The following PEBP4 variants were observed in gnomAD, a reference collection of about 807,000 sequenced individuals.
PEBP4 encodes the protein phosphatidylethanolamine-binding protein 4.
In PEBP4, 22 loss-of-function variants were observed where a neutral mutation model predicts 23.9. That is an observed-to-expected ratio of 0.92 (90% confidence interval 0.66 to 1.31). The LOEUF is 1.31. Ranked by LOEUF, PEBP4 falls within the 40% of genes most tolerant of loss-of-function variation. The pLI is 0.00. For synonymous variants in PEBP4, 112 were observed against 99.3 expected (o/e 1.13, Z -0.76); for missense variants, 324 against 281.7 (o/e 1.15, Z -1.07).
At chr8:22,807,476 C>T (rs1806522198) in intron 4 of PEBP4, among the ~76,000 whole-genome samples, 1 of 152,098 alleles carries the variant, frequency 6.6e-6, no homozygotes, top group South Asian at 2.1e-4. Context: ...AGGAAAGATT[C>T]ACATTTTTGT....
chr8:22,849,770 A>T (rs1807513795), intron 3 of PEBP4, among the ~76,000 whole-genome samples: 1 of 152,228 alleles, frequency 6.6e-6, no homozygotes, highest in Non-Finnish European at 1.5e-5. Context: ...TAAAGGTTAA[A>T]GATGTCAAAA....
At chr8:22,934,064 G>T (rs1360516468) in intron 1 of PEBP4, among the ~76,000 whole-genome samples, 1 of 152,110 alleles carries the variant, frequency 6.6e-6, no homozygotes, top group Non-Finnish European at 1.5e-5. Flanking sequence ...AGTTCTCATG[G>T]AACTAATAAA....
chr8:22,792,395 C>T (rs1391159322), intron 4 of PEBP4, among the ~76,000 whole-genome samples: 1 of 152,078 alleles, frequency 6.6e-6, no homozygotes, highest in Non-Finnish European at 1.5e-5. Context: ...GATGAAAGAG[C>T]TGGAGACAAG....
At position 22,741,056 on chromosome 8, in the gene PEBP4, G is replaced by A. The variant is rs528536321; in HGVS notation, c.358-13836C>T. ...AAGAGACAGATGGGATGGAAGAGGCGAGAGAAGAGTGGTTCTTCCGTGTTG... is the reference window on the plus strand; with the variant it reads ...AAGAGACAGATGGGATGGAAGAGGCAAGAGAAGAGTGGTTCTTCCGTGTTG... On this transcript the variant is annotated intron_variant, in intron 4 of 6. Coordinates refer to ENST00000256404, the MANE Select transcript of PEBP4 (RefSeq NM_144962.3). 7.9e-5 allele frequency among the ~76,000 whole-genome samples: 12 copies of A among 152,310 alleles called. No individual in the cohort carries two copies. In the South Asian group the frequency reaches 1.5e-3, roughly 18 times the overall value.
chr8:22,749,505 G>T (rs965019763), intron 4 of PEBP4, among the ~76,000 whole-genome samples: 2 of 152,226 alleles, frequency 1.3e-5, no homozygotes, highest in Non-Finnish European at 2.9e-5. Flanking sequence ...TCACCAGCAA[G>T]GGCACGGCCA....
rs1021058019 is a variant in PEBP4, at chr8:22,865,342, C to T, written c.259-47607G>A. ...CCCCGGGTCCCCCTGCGGCGTCTCCCGCTGCCCACCCACGGGCGGTGACGG... is the reference window on the plus strand; with the variant it reads ...CCCCGGGTCCCCCTGCGGCGTCTCCTGCTGCCCACCCACGGGCGGTGACGG... On this transcript the variant is annotated intron_variant, in intron 3 of 6. Coordinates refer to ENST00000256404, the MANE Select transcript of PEBP4 (RefSeq NM_144962.3). This position sits in a 1 kb window ranked among gnomAD's most constrained non-coding sequence, Gnocchi z 6.9. Among the ~76,000 whole-genome samples the T allele has an allele frequency of 1.5e-4, 22 of 146,282 alleles. No homozygotes were observed. The highest frequency in any genetic ancestry group is 5.5e-4 in the African/African-American group (22 of 39,666).
At chr8:22,923,477 G>A (rs538052766) in intron 2 of PEBP4, among the ~76,000 whole-genome samples, 2 of 152,246 alleles carry the variant, frequency 1.3e-5, no homozygotes, top group South Asian at 4.1e-4. Flanking sequence ...TGAGGTGGGA[G>A]GATCGCTTGA....
At chr8:22,918,520 G>C (rs562081926) in intron 3 of PEBP4, among the ~76,000 whole-genome samples, 2 of 152,150 alleles carry the variant, frequency 1.3e-5, no homozygotes, top group African/African-American at 4.8e-5. Context: ...TTCCCAACAG[G>C]CTTCAAATCC....
chr8:22,907,685 T>A (rs575967649), intron 3 of PEBP4, among the ~76,000 whole-genome samples: 8 of 152,002 alleles, frequency 5.3e-5, no homozygotes, highest in African/African-American at 1.9e-4. Context: ...TCTGGTGAAA[T>A]GGGGAGGAAT....
rs1805794697 is a variant in PEBP4, at chr8:22,775,380, G to C, written c.357+42257C>G. On this transcript the variant is annotated intron_variant, in intron 4 of 6. Transcript: ENST00000256404. This position sits in a 1 kb window ranked among gnomAD's most constrained non-coding sequence, Gnocchi z 4.8. ...TGGTCTCTGCTGGGTGGGCCCAGCT[G>C]TCGAGGCCCAGGCAAGGAGCGGCCT... Among the ~76,000 whole-genome samples, 2 of 152,214 alleles carry C rather than the reference G, an allele frequency of 1.3e-5. No homozygotes were observed. The highest frequency in any genetic ancestry group is 2.9e-5 in the Non-Finnish European group (2 of 68,044).
At chr8:22,756,452 C>G (rs1341770877) in intron 4 of PEBP4, among the ~76,000 whole-genome samples, 1 of 152,224 alleles carries the variant, frequency 6.6e-6, no homozygotes, top group Non-Finnish European at 1.5e-5. Flanking sequence ...CCAGTTGTGG[C>G]TGATTCTCAC....
intron 6 of PEBP4, among the ~76,000 whole-genome samples, chr8:22,715,734 C>A (rs1292872173): frequency 6.6e-6 from 1 of 152,190 alleles, no homozygotes; most frequent in Non-Finnish European, 1.5e-5. Flanking sequence ...CTCCTGAAAC[C>A]CAGTCCCCGT....
At chr8:22,782,702 T>C (rs1805950697) in intron 4 of PEBP4, among the ~76,000 whole-genome samples, 1 of 152,196 alleles carries the variant, frequency 6.6e-6, no homozygotes, top group African/African-American at 2.4e-5. Flanking sequence ...TATATTTCCC[T>C]AGGGAGAGCC....
At chr8:22,878,931 G>A (rs1412460306) in intron 3 of PEBP4, among the ~76,000 whole-genome samples, 1 of 152,200 alleles carries the variant, frequency 6.6e-6, no homozygotes, top group East Asian at 1.9e-4. Flanking sequence ...ACCGGGTAGG[G>A]GGATGAGCTA....
At chr8:22,931,229 AAATT>A (rs1809451763), upstream of PEBP4, among the ~76,000 whole-genome samples, 1 of 152,182 alleles carries the variant, frequency 6.6e-6, no homozygotes, top group Admixed American at 6.5e-5. Flanking sequence ...TCCTAATTAA[AAATT>A]AATTGAGATA....
intron 4 of PEBP4, among the ~76,000 whole-genome samples, chr8:22,767,171 C>T (rs757801820): frequency 6.6e-5 from 10 of 152,196 alleles, no homozygotes; most frequent in South Asian, 4.1e-4. Flanking sequence ...TTGACTAGAG[C>T]GAAGCTCCGG....
At chr8:22,792,199 T>C (rs1806154084) in intron 4 of PEBP4, among the ~76,000 whole-genome samples, 1 of 152,112 alleles carries the variant, frequency 6.6e-6, no homozygotes, top group South Asian at 2.1e-4. Context: ...TGTGAGGGAA[T>C]CTGTGTGGAC....
chr8:22,826,994 A>C (rs762223911), intron 3 of PEBP4, among the ~76,000 whole-genome samples: 1 of 152,178 alleles, frequency 6.6e-6, no homozygotes, highest in Non-Finnish European at 1.5e-5. Flanking sequence ...CTGAGAGGTA[A>C]AGAAGGATGG....
intron 6 of PEBP4, among the ~76,000 whole-genome samples, chr8:22,719,755 G>A (rs889290538): frequency 6.6e-6 from 1 of 152,132 alleles, no homozygotes; most frequent in African/African-American, 2.4e-5. Flanking sequence ...GATGGCCACT[G>A]TCCTGCCCCC....
Sources: gnomAD v4.1 joint callset for allele counts (sites outside exome capture counted in the v4.1 genomes callset) on GRCh38, gnomAD v4.1.1 for gene constraint, Gnocchi (gnomAD v3.1) non-coding constraint, MANE v1.5 for transcripts, NCBI Gene and HGNC (gene_info 2026-07-23, HGNC 2026-07-21) for gene names.